Variants in CAPN12 observed in about 807,000 individuals in gnomAD.
The protein encoded by CAPN12 is calpain 12.
CAPN12 carries 107 observed loss-of-function variants against 95.0 expected under a neutral mutation model. The observed-to-expected ratio is 1.13, with a 90% CI of 0.96 to 1.32. The LOEUF (loss-of-function observed/expected upper bound fraction) is 1.32. Ranked by LOEUF, CAPN12 falls within the 40% of genes most tolerant of loss-of-function variation. CAPN12 has a pLI of 0.00. For synonymous variants in CAPN12, 505 were observed against 415.5 expected, an observed-to-expected ratio of 1.22 and a Z score of -2.62; for missense variants, 1,136 against 997.8, an observed-to-expected ratio of 1.14 and a Z score of -1.87.
At position 38,738,341 on chromosome 19, in the gene CAPN12, T is replaced by G; in HGVS notation, c.897A>C (p.Pro299=). Residue 299 remains proline, a synonymous_variant, in exon 8 of 21, where the codon CCA becomes CCC. Transcript: ENST00000328867. ...ACTCGGTGGGGAGTGTGTCCCAGCG[T>G]GGGCAGCTGGAGAGACTGTGGTGTG... ...EWTGAWSDSC[P]RWDTLPTECR... is the part of the protein sequence containing the mutation. The G allele has an allele frequency of 6.2e-7, 1 of 1,611,970 alleles. No homozygotes were observed.
chr19:38,730,830 C>T lies in CAPN12; in HGVS notation c.*22G>A. The stretch of plus-strand genomic sequence containing the variant: ...TGCTCAGCAACCCTGCCCTGAGCAG[C>T]AGGTGCGCCCATCCGGAGATCCTAG... On this transcript the variant is annotated 3_prime_UTR_variant, in exon 21 of 21. Coordinates refer to ENST00000328867, the MANE Select transcript of CAPN12 (RefSeq NM_144691.4). 2 of 1,550,672 alleles carry T rather than the reference C, an allele frequency of 1.3e-6. No individual in the cohort carries two copies. Among genetic ancestry groups the T allele is most frequent in the Non-Finnish European group, 1.7e-6 (2 of 1,147,090 alleles).
rs777591711 is a variant in CAPN12 at position 38,735,593 on chromosome 19, G to A, written c.1584-49C>T. 1.4e-5 allele frequency: 22 copies of A among 1,589,364 alleles called. 1 individual carries two copies. The highest frequency in any genetic ancestry group is 3.5e-4 in the Middle Eastern group (2 of 5,688). ...GGGAGGGGGCTGTTTGCCCCAGCTG[G>A]GGCTGTGTGGGACGGGGTCTCAGGT... On this transcript the variant is annotated intron_variant, in intron 12 of 20. Transcript: ENST00000328867.
At chr19:38,733,842 C>A in intron 17 of CAPN12, 61 bp from the exon 18 acceptor site, 1 of 1,416,698 alleles carries the variant, frequency 7.1e-7, no homozygotes. Flanking sequence ...GCCAATGGGG[C>A]CTCCCAGGCA....
At chr19:38,731,287 A>G in intron 18 of CAPN12, 64 bp from the exon 19 acceptor site, 4 of 1,251,736 alleles carry the variant, frequency 3.2e-6, no homozygotes, top group Non-Finnish European at 4.7e-6. Flanking sequence ...TTGCATCCCC[A>G]CCCCACCTCC....
At position 38,731,167 on chromosome 19, in the gene CAPN12, G is replaced by C. The variant is rs760050915; in HGVS notation, c.2014C>G (p.Arg672Gly). The change falls in exon 19 of 21, where the codon CGT (arginine) becomes GGT (glycine). Residue 672 changes from arginine to glycine, a missense_variant. By Grantham distance (125) the Arg-to-Gly change is moderately radical (BLOSUM62 -2). Coordinates refer to ENST00000328867, the MANE Select transcript of CAPN12 (RefSeq NM_144691.4). ...QTLTSRYRDS[R>G]LRVDFERFVS... ...AACCGCTCGAAGTCCACACGCAGACGGCTATCCCGGTAGCGGCTGGTGAGG... is the reference window on the plus strand; with the variant it reads ...AACCGCTCGAAGTCCACACGCAGACCGCTATCCCGGTAGCGGCTGGTGAGG... 79 of 1,613,094 alleles carry C rather than the reference G, an allele frequency of 4.9e-5. 1 individual carries two copies. The highest frequency in any genetic ancestry group is 6.4e-5 in the Non-Finnish European group (76 of 1,180,014).
intron 10 of CAPN12, 37 bp from the exon 11 acceptor site, chr19:38,736,600 G>T: frequency 6.3e-7 from 1 of 1,590,406 alleles, no homozygotes; most frequent in South Asian, 1.1e-5. Flanking sequence ...CGGGGCAGGG[G>T]AGAGGTGGCC....
intron 10 of CAPN12, 55 bp downstream of exon 10, chr19:38,737,101 C>T: frequency 7.0e-7 from 1 of 1,429,416 alleles, no homozygotes; most frequent in Non-Finnish European, 9.6e-7. Context: ...TTGGCCCGGC[C>T]CCGCCCCTCC....
At chr19:38,738,728 C>T in intron 5 of CAPN12, 80 bp from the exon 6 acceptor site, 1 of 1,335,460 alleles carries the variant, frequency 7.5e-7, no homozygotes, top group East Asian at 2.3e-5. Context: ...CCTCCTGCCA[C>T]CAAGGCAGGA....
rs201291255 is a variant in CAPN12 at position 38,743,085 on chromosome 19, C to T, written c.255G>A (p.Pro85=). 1.9e-4 allele frequency: 310 copies of T among 1,614,028 alleles called. No individual in the cohort carries two copies. Among genetic ancestry groups the T allele is most frequent in the Admixed American group, 5.2e-4 (31 of 59,996 alleles). Residue 85 remains proline, a synonymous_variant, in exon 2 of 21, where the codon CCG becomes CCA. Coordinates refer to ENST00000328867, the MANE Select transcript of CAPN12 (RefSeq NM_144691.4). ...WMRPHEFCAE[P]KFICEDMSRT... ...GGCTCATGTCTTCACAGATGAACTT[C>T]GGCTCAGCACAGAACTCCTGTGGGT...
chr19:38,735,456 G>A (rs1414459126), intron 13 of CAPN12, 27 bp from the exon 14 acceptor site: 6 of 1,610,776 alleles, frequency 3.7e-6, no homozygotes, highest in African/African-American at 1.3e-5. Context: ...GTTTAGCGCT[G>A]GCCAAGATCC....
rs57434243 is a variant in CAPN12 at position 38,737,545 on chromosome 19, G to A, written c.1059C>T (p.Gly353=). Residue 353 remains glycine (G), a synonymous_variant, in exon 9 of 21, where the codon GGC becomes GGT. Coordinates refer to ENST00000328867, the MANE Select transcript of CAPN12 (RefSeq NM_144691.4). ...EVLGPSPEGG[G]WHVHTFQGRW... ...GGCCTTGGAAGGTGTGGACGTGCCA[G>A]CCGCCCCCCTCCGGGCTGGGGCCCA... The A allele has an allele frequency of 2.0e-5, 33 of 1,612,484 alleles. No individual in the cohort carries two copies. In the African/African-American group the frequency reaches 4.1e-4, roughly 20 times the overall value.
At chr19:38,734,448 G>T in intron 15 of CAPN12, 59 bp from the exon 16 acceptor site, 1 of 1,452,804 alleles carries the variant, frequency 6.9e-7, no homozygotes, top group Admixed American at 2.1e-5. Context: ...CCACTTTAAG[G>T]GCTGGGTGGA....
intron 18 of CAPN12, among the ~76,000 whole-genome samples, chr19:38,732,249 C>T (rs1216250406): frequency 6.6e-6 from 1 of 152,248 alleles, no homozygotes; most frequent in African/African-American, 2.4e-5. Flanking sequence ...CTGTCTATCT[C>T]CGGCCCAGCC....
At chr19:38,742,328 CAAAAAA>C (rs35341175) in intron 3 of CAPN12, 76 bp downstream of exon 3, 5 of 823,794 alleles carry the variant, frequency 6.1e-6, no homozygotes, top group Non-Finnish European at 9.3e-6. Flanking sequence ...GATTCCATCT[CAAAAAA>C]AAAAAAAAAG....
In CAPN12 at chr19:38,744,057, C is replaced by T. The variant is rs1296364717; in HGVS notation, c.109G>A (p.Ala37Thr). The T allele has an allele frequency of 1.2e-6, 2 of 1,614,086 alleles. No homozygotes were observed. The highest frequency in any genetic ancestry group is 2.2e-5 in the South Asian group (2 of 91,088). ...AGGATCCCCGAATCCAGGCAGGCTG[C>T]CCGAATTGCCTCATAGCTCTGGCCC... is the stretch of plus-strand genomic sequence containing the variant. ...FRGQSYEAIR[A>T]ACLDSGILFR... The change falls in exon 1 of 21, where the codon GCA becomes ACA. Residue 37 changes from alanine (A) to threonine (T), a missense_variant. Physicochemically the swap from Ala to Thr is moderately conservative, Grantham distance 58 (BLOSUM62 0). Coordinates refer to ENST00000328867, the MANE Select transcript of CAPN12 (RefSeq NM_144691.4).
At chr19:38,739,004 C>T in intron 5 of CAPN12, 1 of 337,590 alleles carries the variant, frequency 3.0e-6, no homozygotes, top group Non-Finnish European at 5.6e-6. Context: ...TGGTGGTGCA[C>T]ACCAGTGGTC....
Position 38,744,257 on chromosome 19 carries a change from CT to C in CAPN12, c.-93del. The stretch of plus-strand genomic sequence containing the variant: ...TCTTCCATTGGAGCCCCAGTGGGGT[CT>C]TTAGGCAATGAGGAGCCTTCCCTCG... On this transcript the variant is annotated 5_prime_UTR_variant, in exon 1 of 21. Coordinates refer to ENST00000328867, the MANE Select transcript of CAPN12 (RefSeq NM_144691.4). 8.3e-7 allele frequency: 1 copy of C among 1,207,408 alleles called. No individual in the cohort carries two copies. The highest frequency in any genetic ancestry group is 1.2e-6 in the Non-Finnish European group (1 of 826,504). The allele number at this position is 1,207,408 out of a possible 1,614,324, so 74.8% of individuals were successfully genotyped here. A position where few individuals can be genotyped will look rare whatever the true frequency, so the allele number is the denominator to read the frequency against.
chr19:38,736,233 C>T lies in CAPN12; in HGVS notation c.1460G>A (p.Arg487His). 1.3e-6 allele frequency: 2 copies of T among 1,494,156 alleles called. No individual in the cohort carries two copies. Among genetic ancestry groups the T allele is most frequent in the Non-Finnish European group, 1.8e-6 (2 of 1,127,958 alleles). The allele number at this position is 1,494,156 out of a possible 1,614,324, so 92.6% of individuals were successfully genotyped here. A position where few individuals can be genotyped will look rare whatever the true frequency, so the allele number is the denominator to read the frequency against. The change falls in exon 12 of 21, where the codon CGC becomes CAC. Residue 487 changes from arginine (R) to histidine (H), a missense_variant. Physicochemically the swap from Arg to His is conservative, Grantham distance 29. Transcript: ENST00000328867. ...CAGGCAGCAGCGGCGGGTCACGTCG[C>T]GGCGGGCGCTGAGGGGCGAGCGGTC... ...RADRSPLSAR[R>H]DVTRRCCLRP...
At chr19:38,734,778 G>T in intron 15 of CAPN12, 35 bp downstream of exon 15, 2 of 1,601,064 alleles carry the variant, frequency 1.2e-6, no homozygotes, top group African/African-American at 2.7e-5. Context: ...CCCTGGCTAA[G>T]ACCCCTCCTC....
Sources: gnomAD v4.1 joint callset for allele counts (sites outside exome capture counted in the v4.1 genomes callset) on GRCh38, gnomAD v4.1.1 for gene constraint, MANE v1.5 for transcripts, NCBI Gene and HGNC (gene_info 2026-07-23, HGNC 2026-07-21) for gene names.